The following LRRC37A2 variants were observed in gnomAD, a reference collection of about 807,000 sequenced individuals.
LRRC37A2 encodes the protein leucine-rich repeat-containing protein 37A2.
A neutral mutation model predicts 68.8 loss-of-function variants in LRRC37A2; 9 were observed. The observed-to-expected ratio is 0.13, with a 90% CI of 0.08 to 0.23. The LOEUF is 0.23. Ranked by LOEUF, LRRC37A2 falls within the 10% of genes least tolerant of loss-of-function variation. The pLI is 1.00. For missense variants in LRRC37A2, 168 were observed against 950.4 expected, an observed-to-expected ratio of 0.18 and a Z score of 10.82; for synonymous variants, 63 against 367.6, an observed-to-expected ratio of 0.17 and a Z score of 9.48.
At chr17:46,821,207 T>C in the LRRC37A2 span, 1 of 152,248 alleles carries the variant, frequency 6.6e-6, no homozygotes, top group African/African-American at 2.4e-5. Flanking sequence ...GAGCTGGCCA[T>C]GTGCGCCTGG....
chr17:46,833,123 C>G, the LRRC37A2 span: 1 of 357,192 alleles, frequency 2.8e-6, no homozygotes, highest in Non-Finnish European at 5.5e-6. Context: ...GTTGACAAAA[C>G]GAGCTCATGG....
At chr17:47,008,119 T>G in the LRRC37A2 span, among the ~76,000 whole-genome samples, 1 of 151,728 alleles carries the variant, frequency 6.6e-6, no homozygotes, top group Non-Finnish European at 1.5e-5. Flanking sequence ...TAATTTTTTT[T>G]TTTTTTTTTG....
the LRRC37A2 span, among the ~76,000 whole-genome samples, chr17:46,709,240 T>C: frequency 6.6e-6 from 1 of 152,160 alleles, no homozygotes; most frequent in African/African-American, 2.4e-5. Flanking sequence ...AAATAATCAT[T>C]TTCAAAAGTA....
chr17:46,938,855 AT>A, the LRRC37A2 span: 1 of 1,594,872 alleles, frequency 6.3e-7, no homozygotes, highest in Non-Finnish European at 8.5e-7. Flanking sequence ...GCCTTTTGAA[AT>A]GTTTGCCTGT....
At chr17:46,573,054 G>A in the LRRC37A2 span, among the ~76,000 whole-genome samples, 3 of 114,034 alleles carry the variant, frequency 2.6e-5, no homozygotes, top group Non-Finnish European at 5.5e-5. Context: ...TCCCCTTAGC[G>A]GCTTCCCACA....
the LRRC37A2 span, among the ~76,000 whole-genome samples, chr17:46,846,427 G>A: frequency 0.083 from 12,622 of 152,280 alleles, 598 homozygotes; most frequent in Non-Finnish European, 0.1. Context: ...AGATCTTGAG[G>A]TGTCTGCAGT....
At chr17:46,769,737 CGG>C in the LRRC37A2 span, 1 of 1,600,740 alleles carries the variant, frequency 6.2e-7, no homozygotes, top group South Asian at 1.1e-5. Context: ...GGAGGGGAAG[CGG>C]GGGGCTGCTC....
the LRRC37A2 span, among the ~76,000 whole-genome samples, chr17:46,840,016 TTTCTTTCTTTCTTTC>T: frequency 2.0e-5 from 2 of 100,044 alleles, no homozygotes; most frequent in African/African-American, 7.6e-5. Flanking sequence ...TCTTTCTTTC[TTTCTTTCTTTCTTTC>T]TTTTCTTTCT....
intron 8 of LRRC37A2, among the ~76,000 whole-genome samples, chr17:46,542,774 C>G (rs1402340704): frequency 4.7e-5 from 7 of 150,434 alleles, no homozygotes; most frequent in Non-Finnish European, 8.8e-5. Flanking sequence ...GTTTGTTACA[C>G]AATTTACTGC....
intron 8 of LRRC37A2, among the ~76,000 whole-genome samples, chr17:46,541,895 G>A (rs1303661093): frequency 6.7e-6 from 1 of 149,298 alleles, no homozygotes; most frequent in Non-Finnish European, 1.5e-5. Flanking sequence ...TGCAGACACC[G>A]AGGGACAACT....
chr17:46,529,087 T>G (rs2053252116), intron 6 of LRRC37A2, among the ~76,000 whole-genome samples: 1 of 124,304 alleles, frequency 8.0e-6, no homozygotes, highest in African/African-American at 3.0e-5. Context: ...AGGATTTCAG[T>G]ACATTTAAGA....
chr17:46,787,098 C>T, the LRRC37A2 span, among the ~76,000 whole-genome samples: 1 of 152,156 alleles, frequency 6.6e-6, no homozygotes, highest in East Asian at 1.9e-4. Flanking sequence ...CCACTATGCT[C>T]TGCTAAGTTT....
the LRRC37A2 span, among the ~76,000 whole-genome samples, chr17:46,870,212 G>A: frequency 0.013 from 2,049 of 152,278 alleles, 54 homozygotes; most frequent in African/African-American, 0.047. Context: ...CACAGGAATT[G>A]TGTGAGCAGA....
the LRRC37A2 span, chr17:46,755,719 G>T: frequency 1.1e-3 from 1,307 of 1,156,324 alleles, 13 homozygotes; most frequent in Admixed American, 0.027. Context: ...GAAGCTTTTA[G>T]TGATTTTTTT....
chr17:47,017,669 C>G, the LRRC37A2 span: 90 of 1,610,676 alleles, frequency 5.6e-5, no homozygotes, highest in South Asian at 1.2e-4. Flanking sequence ...AGCGTTGGAG[C>G]CTTGCTGAGA....
chr17:46,771,829 T>TG, the LRRC37A2 span, among the ~76,000 whole-genome samples: 8 of 139,554 alleles, frequency 5.7e-5, no homozygotes, highest in South Asian at 7.0e-4. Flanking sequence ...GGCCGCGCGG[T>TG]GGGGGGGCGG....
At chr17:46,719,345 C>CT in the LRRC37A2 span, among the ~76,000 whole-genome samples, 1 of 152,180 alleles carries the variant, frequency 6.6e-6, no homozygotes, top group Non-Finnish European at 1.5e-5. The surrounding 1 kb of genome is among the most constrained non-coding windows in gnomAD (Gnocchi z 4.3). Context: ...GTAGAGAGGG[C>CT]TGTTAGGCTT....
At chr17:46,778,774 C>T in the LRRC37A2 span, among the ~76,000 whole-genome samples, 6 of 152,000 alleles carry the variant, frequency 3.9e-5, no homozygotes, top group South Asian at 2.1e-4. Context: ...GCTGAGCCCT[C>T]GGCTCGAAGC....
At chr17:46,897,115 C>G in the LRRC37A2 span, among the ~76,000 whole-genome samples, 1 of 152,180 alleles carries the variant, frequency 6.6e-6, no homozygotes, top group African/African-American at 2.4e-5. Flanking sequence ...CGCTCGAGTA[C>G]CAAGAACGCT....
Sources: allele counts gnomAD v4.1 joint callset (sites outside exome capture counted in the v4.1 genomes callset), GRCh38; gene constraint gnomAD v4.1.1; non-coding constraint Gnocchi (gnomAD v3.1); transcripts MANE v1.5; gene names NCBI Gene and HGNC (gene_info 2026-07-23, HGNC 2026-07-21).